The following RARB variants were observed in gnomAD, a reference collection of about 807,000 sequenced individuals.
The protein encoded by RARB is HBV-activated protein.
RARB carries 17 observed loss-of-function variants against 51.9 expected under a neutral mutation model. The observed-to-expected ratio is 0.33, with a 90% confidence interval of 0.22 to 0.49. The LOEUF (loss-of-function observed/expected upper bound fraction) is 0.49, where lower values mean the gene tolerates loss of function less well. Ranked by LOEUF, RARB falls within the 20% of genes least tolerant of loss-of-function variation. RARB has a pLI of 0.99. For synonymous variants in RARB, 215 were observed against 195.4 expected, an observed-to-expected ratio of 1.10 and a Z score of -0.84; for missense variants, 369 against 550.8, an observed-to-expected ratio of 0.67 and a Z score of 3.30.
chr3:25,422,588 G>A (rs896898910), intron 5 of RARB, among the ~76,000 whole-genome samples: 3 of 152,094 alleles, frequency 2.0e-5, no homozygotes, highest in African/African-American at 7.2e-5. Context: ...TGAAGGCAGA[G>A]ATGTTACCCA....
At chr3:24,967,828 C>A (rs2125415486) in intron 2 of RARB, among the ~76,000 whole-genome samples, 1 of 152,192 alleles carries the variant, frequency 6.6e-6, no homozygotes, top group African/African-American at 2.4e-5. Context: ...ATTAACAGGT[C>A]AAATAAATTA....
chr3:25,165,099 A>G (rs548160451), intron 4 of RARB, among the ~76,000 whole-genome samples: 1 of 152,218 alleles, frequency 6.6e-6, no homozygotes, highest in African/African-American at 2.4e-5. Flanking sequence ...TTTTTTTAAG[A>G]AAGAAGAAAG....
intron 5 of RARB, among the ~76,000 whole-genome samples, chr3:25,286,700 T>A (rs1408303365): frequency 6.6e-6 from 1 of 152,238 alleles, no homozygotes; most frequent in Non-Finnish European, 1.5e-5. Flanking sequence ...TATTCATTCT[T>A]ACCTTCCCAT....
At chr3:25,113,800 C>T (rs1699642512) in intron 3 of RARB, among the ~76,000 whole-genome samples, 2 of 152,108 alleles carry the variant, frequency 1.3e-5, no homozygotes, top group Admixed American at 1.3e-4. Flanking sequence ...CAGTGACCAC[C>T]AAGACAGGAG....
intron 2 of RARB, among the ~76,000 whole-genome samples, chr3:25,490,999 G>C (rs1371871801): frequency 6.6e-6 from 1 of 152,130 alleles, no homozygotes; most frequent in Non-Finnish European, 1.5e-5. Flanking sequence ...CTTGAGAAGA[G>C]ACAAAGTAGT....
chr3:25,198,669 C>T (rs192101906), intron 5 of RARB, among the ~76,000 whole-genome samples: 11 of 152,048 alleles, frequency 7.2e-5, no homozygotes, highest in Admixed American at 2.0e-4. Context: ...ATACAAATTG[C>T]GAACAGGTAT....
intron 5 of RARB, among the ~76,000 whole-genome samples, chr3:25,325,315 G>A (rs886117215): frequency 3.9e-5 from 6 of 152,038 alleles, no homozygotes; most frequent in African/African-American, 1.4e-4. Flanking sequence ...CATTTTCATG[G>A]CCATCTTGGT....
At chr3:25,300,842 A>T (rs897961523) in intron 5 of RARB, among the ~76,000 whole-genome samples, 21 of 152,058 alleles carry the variant, frequency 1.4e-4, no homozygotes, top group Non-Finnish European at 2.5e-4. Flanking sequence ...TAAAATAAAA[A>T]AAAAATTAGC....
At chr3:25,364,453 C>G (rs747267356) in intron 5 of RARB, among the ~76,000 whole-genome samples, 54 of 152,220 alleles carry the variant, frequency 3.5e-4, no homozygotes, top group Non-Finnish European at 1.8e-4. Context: ...ATGTGGGCTT[C>G]ACACTCAGGA....
chr3:25,043,666 A>G (rs1698157560), intron 2 of RARB, among the ~76,000 whole-genome samples: 1 of 152,184 alleles, frequency 6.6e-6, no homozygotes. Context: ...ATTTATAATT[A>G]TATCAAGATG....
chr3:25,296,890 C>T (rs1012672537), intron 5 of RARB, among the ~76,000 whole-genome samples: 1 of 152,146 alleles, frequency 6.6e-6, no homozygotes, highest in Non-Finnish European at 1.5e-5. Flanking sequence ...CTGCCCTGGA[C>T]AAGATATTTT....
In RARB at chr3:24,876,587, A is replaced by G. The variant is rs191333180; in HGVS notation, c.-380+17835A>G. Among the ~76,000 whole-genome samples the G allele has an allele frequency of 3.3e-5, 5 of 152,232 alleles. No individual in the cohort carries two copies. The East Asian group carries it at 9.6e-4, about 29-fold the overall frequency. Reference sequence around the variant, plus strand: ...ATATTTTAGCTTTTTAACCCATAATACTCTAGAAATATGTCTTGATCTTAT... The same window carrying G: ...ATATTTTAGCTTTTTAACCCATAATGCTCTAGAAATATGTCTTGATCTTAT... On this transcript the variant is annotated intron_variant, in intron 2 of 11. Transcript: ENST00000383772.
At chr3:24,871,841 T>C (rs1193277088) in intron 2 of RARB, among the ~76,000 whole-genome samples, 1 of 152,198 alleles carries the variant, frequency 6.6e-6, no homozygotes, top group East Asian at 1.9e-4. Flanking sequence ...TATTCTATAC[T>C]CCTTTTTCTT....
intron 5 of RARB, among the ~76,000 whole-genome samples, chr3:25,276,953 T>A (rs927964193): frequency 6.6e-6 from 1 of 152,070 alleles, no homozygotes; most frequent in African/African-American, 2.4e-5. Flanking sequence ...TTGATGAAAG[T>A]TGAGACAGGA....
Position 25,002,849 on chromosome 3 carries a change from TCA to T in RARB, c.-379-57275_-379-57274del, listed in dbSNP as rs561578546. ...ATAATATAGGGATAATAAGAATATC[TCA>T]GAGTTGTTAGGGAGATCAATTGAGT... On this transcript the variant is annotated intron_variant, in intron 2 of 11. Transcript: ENST00000383772. Among the ~76,000 whole-genome samples, 788 of 152,158 alleles carry T rather than the reference TCA, an allele frequency of 5.2e-3. 4 individuals carry two copies. The highest frequency in any genetic ancestry group is 8.1e-3 in the Non-Finnish European group (553 of 67,992).
intron 5 of RARB, among the ~76,000 whole-genome samples, chr3:25,244,734 A>G (rs1195940522): frequency 6.6e-6 from 1 of 152,104 alleles, no homozygotes; most frequent in Non-Finnish European, 1.5e-5. Flanking sequence ...ACTTCCAATT[A>G]TGTGGTCGAT....
chr3:25,531,278 A>G (rs1239267551), intron 3 of RARB, among the ~76,000 whole-genome samples: 1 of 152,152 alleles, frequency 6.6e-6, no homozygotes, highest in African/African-American at 2.4e-5. Flanking sequence ...GAAAGCCCAC[A>G]AGCAAAGAGA....
chr3:25,048,719 G>A (rs903225056), intron 2 of RARB, among the ~76,000 whole-genome samples: 2 of 150,250 alleles, frequency 1.3e-5, no homozygotes, highest in African/African-American at 2.4e-5. Flanking sequence ...GATTAAAAAC[G>A]GCATATTTCT....
intron 2 of RARB, among the ~76,000 whole-genome samples, chr3:24,860,245 G>A (rs1702723801): frequency 6.6e-6 from 1 of 152,098 alleles, no homozygotes; most frequent in Admixed American, 6.6e-5. Context: ...GGCGCATCTT[G>A]GGTGTTGATT....
Sources: gnomAD v4.1 joint callset for allele counts (sites outside exome capture counted in the v4.1 genomes callset) on GRCh38, gnomAD v4.1.1 for gene constraint, MANE v1.5 for transcripts, NCBI Gene and HGNC (gene_info 2026-07-23, HGNC 2026-07-21) for gene names.